Variants in PRRC2B observed in about 807,000 individuals in gnomAD.
PRRC2B encodes proline rich coiled-coil 2B.
PRRC2B carries 68 observed loss-of-function variants against 242.3 expected under a neutral mutation model. The ratio of observed to expected loss-of-function variants is 0.28; its 90% CI spans 0.23 to 0.34. PRRC2B has a LOEUF of 0.34. PRRC2B is among the 10% of genes least tolerant of loss of function. The pLI is 1.00. For synonymous variants in PRRC2B, 1,228 were observed against 1,173.6 expected (o/e 1.05, Z -0.95); for missense variants, 2,835 against 2,954.8 (o/e 0.96, Z 0.94).
In PRRC2B at chr9:131,476,383, G is replaced by A. The variant is rs78591540; in HGVS notation, c.4254G>A (p.Lys1418=). The change falls in exon 16 of 32, where the codon AAG becomes AAA. Residue 1418 remains lysine (K), a synonymous_variant. Transcript: ENST00000683519. ...ASLGEKKELA[K]RSFSSQRPVV... ...TGGGTGAGAAGAAGGAGCTGGCCAA[G>A]AGGAGCTTCTCCAGTCAGAGACCCG... 209,442 of 1,602,950 alleles carry A rather than the reference G, an allele frequency of 0.13. 15,112 individuals are homozygous for A. Among genetic ancestry groups the A allele is most frequent in the African/African-American group, 0.15 (11,250 of 74,826 alleles).
At chr9:131,490,563 A>G in intron 28 of PRRC2B, 1 of 519,112 alleles carries the variant, frequency 1.9e-6, no homozygotes, top group South Asian at 1.4e-5. Context: ...GAGGACAGTG[A>G]CTGAGAGACC....
upstream of PRRC2B, among the ~76,000 whole-genome samples, chr9:131,389,768 C>T (rs894770794): frequency 1.3e-4 from 19 of 149,990 alleles, no homozygotes; most frequent in Admixed American, 2.1e-4. Context: ...TACTTTGTGC[C>T]AAGCTCTCTT....
chr9:131,384,058 C>CAGG (rs1328217113), intron 1 of PRRC2B, among the ~76,000 whole-genome samples: 3 of 149,648 alleles, frequency 2.0e-5, no homozygotes, highest in Admixed American at 1.3e-4. Context: ...GCTGGGACCA[C>CAGG]AGGCACGTAC....
At chr9:131,415,235 T>C (rs1189119168) in intron 1 of PRRC2B, among the ~76,000 whole-genome samples, 1 of 152,206 alleles carries the variant, frequency 6.6e-6, no homozygotes, top group African/African-American at 2.4e-5. Context: ...CCTCAGGTGA[T>C]CCACCCGCCT....
intron 1 of PRRC2B, among the ~76,000 whole-genome samples, chr9:131,399,623 T>A (rs979278285): frequency 1.3e-5 from 2 of 151,944 alleles, no homozygotes; most frequent in African/African-American, 2.4e-5. Flanking sequence ...AAAATAAATA[T>A]ATAAATCACT....
chr9:131,448,048 TTTTAAAAATTATTGATGATGCAAAA>T (rs1219702955), intron 9 of PRRC2B: 9 of 371,370 alleles, frequency 2.4e-5, no homozygotes, highest in Admixed American at 4.4e-5. Context: ...GTTGTTAACT[TTTTAAAAATTATTGATGATGCAAAA>T]TTTAAACAAA....
intron 1 of PRRC2B, among the ~76,000 whole-genome samples, chr9:131,409,598 G>A (rs1837454145): frequency 6.6e-6 from 1 of 152,332 alleles, no homozygotes; most frequent in South Asian, 2.1e-4. Flanking sequence ...AGCCTGTGGG[G>A]GCCGGGCTGG....
chr9:131,452,796 T>G (rs561300009), intron 9 of PRRC2B, among the ~76,000 whole-genome samples: 1 of 152,354 alleles, frequency 6.6e-6, no homozygotes, highest in Non-Finnish European at 1.5e-5. Context: ...GAGCACATTC[T>G]GTATGATTTC....
chr9:131,435,834 A>C (rs951467945), intron 3 of PRRC2B, among the ~76,000 whole-genome samples: 1 of 152,214 alleles, frequency 6.6e-6, no homozygotes, highest in African/African-American at 2.4e-5. Context: ...GGGTCACTCC[A>C]CTTCTGTTAG....
rs761951976 is a variant in PRRC2B, at chr9:131,464,845, A to G, written c.1487A>G (p.Gln496Arg). The part of the protein sequence containing the change: ...DKPPPRQKFI[Q>R]SEMSEAVERA... ...CCCCCACCAAGGCAGAAGTTCATTCAGTCAGAGATGTCCGAGGCGGTGGAG... is the reference window on the plus strand; with the variant it reads ...CCCCCACCAAGGCAGAAGTTCATTCGGTCAGAGATGTCCGAGGCGGTGGAG... The change falls in exon 12 of 32, where the codon CAG becomes CGG. Residue 496 changes from glutamine to arginine, a missense_variant. Gln to Arg is a conservative substitution (Grantham distance 43, BLOSUM62 1). Transcript: ENST00000683519. 2.5e-6 allele frequency: 4 copies of G among 1,613,846 alleles called. No homozygotes were observed. Among genetic ancestry groups the G allele is most frequent in the Non-Finnish European group, 3.4e-6 (4 of 1,179,834 alleles).
At chr9:131,488,822 G>C (rs1377794419) in intron 28 of PRRC2B, among the ~76,000 whole-genome samples, 1 of 152,208 alleles carries the variant, frequency 6.6e-6, no homozygotes, top group East Asian at 1.9e-4. Context: ...ACCACATCCA[G>C]TGTCTGCTGA....
intron 1 of PRRC2B, among the ~76,000 whole-genome samples, chr9:131,382,353 C>A (rs1836772447): frequency 6.6e-6 from 1 of 152,104 alleles, no homozygotes; most frequent in Non-Finnish European, 1.5e-5. Flanking sequence ...CTCATTTGTT[C>A]TTTTATTCCC....
chr9:131,480,165 C>G (rs1211501465), intron 19 of PRRC2B, among the ~76,000 whole-genome samples: 1 of 152,172 alleles, frequency 6.6e-6, no homozygotes, highest in African/African-American at 2.4e-5. Context: ...GCTGAAGCTT[C>G]TAGAGGGAAG....
At chr9:131,402,371 A>AT (rs1305185616) in intron 1 of PRRC2B, among the ~76,000 whole-genome samples, 1 of 152,140 alleles carries the variant, frequency 6.6e-6, no homozygotes, top group African/African-American at 2.4e-5. Flanking sequence ...TGTCTGGCTT[A>AT]TTTTTAGCAT....
rs762878520 is a variant in PRRC2B at position 131,478,559 on chromosome 9, G to A, written c.4698G>A (p.Leu1566=). 7 of 1,512,126 alleles carry A rather than the reference G, an allele frequency of 4.6e-6. No homozygotes were observed. Among genetic ancestry groups the A allele is most frequent in the Non-Finnish European group, 6.3e-6 (7 of 1,117,308 alleles). The allele number at this position is 1,512,126 out of a possible 1,614,324, so 93.7% of individuals were successfully genotyped here. ...SMVGEGFIEV[L]TKKQRRLLEE... ...TGGGCGAAGGCTTCATCGAAGTCCT[G>A]ACCAAGAAGCAGCGCCGCCTGCTGG... is the stretch of plus-strand genomic sequence containing the variant. The change falls in exon 18 of 32, where the codon CTG becomes CTA. Residue 1566 remains leucine, a synonymous_variant. Coordinates refer to ENST00000683519, the MANE Select transcript of PRRC2B (RefSeq NM_013318.4).
chr9:131,486,261 A>G (rs1349309110), intron 26 of PRRC2B, 79 bp downstream of exon 26: 8 of 1,014,156 alleles, frequency 7.9e-6, no homozygotes, highest in South Asian at 1.5e-5. Context: ...TTGCTCATCT[A>G]TTTCTCATTG....
chr9:131,387,361 T>C (rs1043982575), intron 1 of PRRC2B, among the ~76,000 whole-genome samples: 6 of 148,500 alleles, frequency 4.0e-5, no homozygotes, highest in African/African-American at 7.3e-5. Flanking sequence ...CTGATTGGAT[T>C]GTGCCCACCA....
Position 131,455,061 on chromosome 9 carries a change from C to G in PRRC2B, c.1121-15C>G, listed in dbSNP as rs1363562609. 5.0e-6 allele frequency: 8 copies of G among 1,602,054 alleles called. No homozygotes were observed. Among genetic ancestry groups the G allele is most frequent in the Non-Finnish European group, 6.8e-6 (8 of 1,170,544 alleles). On this transcript the variant is annotated splice_polypyrimidine_tract_variant and intron_variant, in intron 9 of 31. Coordinates refer to ENST00000683519, the MANE Select transcript of PRRC2B (RefSeq NM_013318.4). Reference sequence around the variant, plus strand: ...CATTCTTTCTCATTCTTCCTGGGCCCTCCTGCTGTTGTAGGCCTCCATGAA... The same window carrying G: ...CATTCTTTCTCATTCTTCCTGGGCCGTCCTGCTGTTGTAGGCCTCCATGAA...
chr9:131,447,874 A>T, intron 9 of PRRC2B, 70 bp downstream of exon 9: 1 of 1,460,484 alleles, frequency 6.8e-7, no homozygotes, highest in Non-Finnish European at 9.3e-7. Flanking sequence ...AGGGATGGAA[A>T]CCCCCTGGCA....
Sources: allele counts gnomAD v4.1 joint callset (sites outside exome capture counted in the v4.1 genomes callset), GRCh38; gene constraint gnomAD v4.1.1; transcripts MANE v1.5; gene names NCBI Gene and HGNC (gene_info 2026-07-23, HGNC 2026-07-21).